Variants in PRH1 observed in about 807,000 individuals in gnomAD.
PRH1 encodes the protein proline rich protein HaeIII subfamily 1.
In PRH1, 7 loss-of-function variants were observed where a neutral mutation model predicts 7.9. The ratio of observed to expected loss-of-function variants is 0.89; its 90% CI spans 0.50 to 1.67. The LOEUF is 1.67. Among genes scored for constraint, PRH1 ranks in the 40% most tolerant of loss-of-function variants. PRH1 has a pLI of 0.00. For missense variants in PRH1, 109 were observed against 223.6 expected (o/e 0.49, Z 3.27); for synonymous variants, 45 against 80.8 (o/e 0.56, Z 2.38).
intron 1 of PRH1, among the ~76,000 whole-genome samples, chr12:10,990,345 T>C (rs1939873397): frequency 6.6e-6 from 1 of 152,116 alleles, no homozygotes; most frequent in African/African-American, 2.4e-5. Flanking sequence ...TTCAGTGATG[T>C]TTGATGAGTG....
Position 10,944,785 on chromosome 12 carries a change from T to A in PRH1, c.-59+28870A>T, listed in dbSNP as rs141081720. 1.4e-4 allele frequency among the ~76,000 whole-genome samples: 21 copies of A among 152,316 alleles called. No homozygotes were observed. In the East Asian group the frequency reaches 4.0e-3, roughly 29 times the overall value. ...AACATGAAGGGATGTTGAATTTTTA[T>A]CAAAAGCCTTTTCTGCATTTATTGA... On this transcript the variant is annotated intron_variant, in intron 2 of 3. Transcript: ENST00000539853.
rs1364344599 is a variant in PRH1, at chr12:11,090,800, A to C, written n.124-43612T>G. ...CTCATTATTGATTTAGAATTGAATGACCTTACCATCCAATAAATTTGAGGT... is the reference window on the plus strand; with the variant it reads ...CTCATTATTGATTTAGAATTGAATGCCCTTACCATCCAATAAATTTGAGGT... On this transcript the variant is annotated intron_variant and non_coding_transcript_variant, in intron 1 of 4. Transcript: ENST00000541977. Among the ~76,000 whole-genome samples the C allele has an allele frequency of 1.7e-5, 2 of 115,980 alleles. 1 individual carries two copies. The highest frequency in any genetic ancestry group is 5.8e-5 in the African/African-American group (2 of 34,654). The allele number at this position is 115,980 out of a possible 152,430, so 76.1% of individuals were successfully genotyped here.
At chr12:10,898,065 G>A (rs962783979) in intron 2 of PRH1, among the ~76,000 whole-genome samples, 5 of 152,042 alleles carry the variant, frequency 3.3e-5, no homozygotes, top group Admixed American at 3.3e-4. Flanking sequence ...CCAAATAAAG[G>A]TATCCATAGC....
At chr12:10,900,555 T>C (rs1949708882) in intron 2 of PRH1, among the ~76,000 whole-genome samples, 1 of 152,036 alleles carries the variant, frequency 6.6e-6, no homozygotes, top group Non-Finnish European at 1.5e-5. Context: ...AACTGTGCTA[T>C]CCCCCATCAC....
chr12:11,103,199 A>C (rs61912111), intron 1 of PRH1, among the ~76,000 whole-genome samples: 68,777 of 151,540 alleles, frequency 0.45, 16,377 homozygotes, highest in Non-Finnish European at 0.52. Flanking sequence ...GGATATATAA[A>C]CGAAGGATTA....
At chr12:11,019,260 T>TCAGACA (rs1456613514) in intron 1 of PRH1, among the ~76,000 whole-genome samples, 85 of 152,384 alleles carry the variant, frequency 5.6e-4, no homozygotes, top group Non-Finnish European at 1.0e-3. Context: ...GCCAAGTGCA[T>TCAGACA]GCATCTGATG....
chr12:10,928,974 T>A (rs1038243089), intron 2 of PRH1, among the ~76,000 whole-genome samples: 11 of 152,216 alleles, frequency 7.2e-5, no homozygotes, highest in African/African-American at 2.7e-4. Flanking sequence ...AGTTCAATCC[T>A]GACACTGTGC....
intron 2 of PRH1, chr12:10,908,186 G>T (rs1317612226): frequency 2.1e-6 from 1 of 473,206 alleles, no homozygotes; most frequent in Non-Finnish European, 3.6e-6. Flanking sequence ...TCCTAATAAT[G>T]TAGAAATACA....
chr12:11,169,271 T>C (rs1213521397), intron 1 of PRH1, among the ~76,000 whole-genome samples: 1 of 152,238 alleles, frequency 6.6e-6, no homozygotes, highest in African/African-American at 2.4e-5. Flanking sequence ...AAGTGTGGAT[T>C]AGGCATTCAA....
At chr12:11,040,993 C>T (rs1942684200) in intron 1 of PRH1, among the ~76,000 whole-genome samples, 1 of 151,684 alleles carries the variant, frequency 6.6e-6, no homozygotes, top group African/African-American at 2.4e-5. Flanking sequence ...ATCATATCAC[C>T]AGAGAAAATA....
At chr12:11,107,995 T>C (rs1375261267) in intron 1 of PRH1, among the ~76,000 whole-genome samples, 1 of 151,998 alleles carries the variant, frequency 6.6e-6, no homozygotes, top group African/African-American at 2.4e-5. Flanking sequence ...GAGAGTGGTA[T>C]GACATATTAA....
chr12:11,126,822 C>T (rs1370132919), intron 1 of PRH1, among the ~76,000 whole-genome samples: 2 of 152,146 alleles, frequency 1.3e-5, no homozygotes, highest in African/African-American at 4.8e-5. Flanking sequence ...TTTAACAACT[C>T]ATTAAAAGGA....
upstream of PRH1, among the ~76,000 whole-genome samples, chr12:11,047,432 A>T (rs1387243683): frequency 4.6e-5 from 7 of 152,048 alleles, no homozygotes; most frequent in African/African-American, 1.7e-4. Context: ...TAAGAATGGG[A>T]GACAAAGGGA....
At chr12:11,076,418 T>TATG (rs1555158459) in intron 1 of PRH1, among the ~76,000 whole-genome samples, 1 of 132,422 alleles carries the variant, frequency 7.6e-6, no homozygotes, top group Non-Finnish European at 1.7e-5. Context: ...CTATACTCTC[T>TATG]TTGGGACTTT....
chr12:11,142,500 A>G (rs1946728411), intron 1 of PRH1, among the ~76,000 whole-genome samples: 2 of 152,228 alleles, frequency 1.3e-5, no homozygotes, highest in African/African-American at 4.8e-5. Context: ...GTAGACAAAA[A>G]GAACAATGAA....
chr12:10,967,952 G>A (rs1368160609), intron 2 of PRH1, among the ~76,000 whole-genome samples: 1 of 152,144 alleles, frequency 6.6e-6, no homozygotes. Flanking sequence ...GTGGTGGCAC[G>A]TGCCTGTCAT....
intron 1 of PRH1, among the ~76,000 whole-genome samples, chr12:11,105,023 G>C (rs1336097806): frequency 6.6e-6 from 1 of 151,232 alleles, no homozygotes; most frequent in African/African-American, 2.4e-5. Flanking sequence ...ATTATAAATT[G>C]TCTAACCTTT....
chr12:11,159,712 C>T (rs142567100), intron 1 of PRH1: 14 of 152,144 alleles, frequency 9.2e-5, no homozygotes, highest in African/African-American at 3.4e-4. Context: ...AAAATATTTC[C>T]GATATTCTAC....
chr12:11,092,276 G>T, intron 1 of PRH1: 3 of 1,184,278 alleles, frequency 2.5e-6, no homozygotes, highest in Admixed American at 2.2e-5. Context: ...TGTTGTGTCC[G>T]GAATTGGTTC....
Sources: gnomAD v4.1 joint callset for allele counts (sites outside exome capture counted in the v4.1 genomes callset) on GRCh38, gnomAD v4.1.1 for gene constraint, MANE v1.5 for transcripts, NCBI Gene and HGNC (gene_info 2026-07-23, HGNC 2026-07-21) for gene names.